The following SLC39A11 variants were observed in gnomAD, a reference collection of about 807,000 sequenced individuals.
SLC39A11 encodes the protein solute carrier family 39 member 11, also known as zinc transporter ZIP11.
A neutral mutation model predicts 36.1 loss-of-function variants in SLC39A11; 33 were observed. The ratio of observed to expected loss-of-function variants is 0.91; its 90% CI spans 0.69 to 1.22. The LOEUF is 1.22. Among genes scored for constraint, SLC39A11 ranks in the 50% most tolerant of loss-of-function variants. The pLI is 0.00. For synonymous variants in SLC39A11, 166 were observed against 170.3 expected, an observed-to-expected ratio of 0.97 and a Z score of 0.20; for missense variants, 432 against 430.3, an observed-to-expected ratio of 1.00 and a Z score of -0.03.
rs554353858 is a variant in SLC39A11 at position 72,877,885 on chromosome 17, C to T, written c.431-28081G>A. On this transcript the variant is annotated intron_variant, in intron 5 of 9. Transcript: ENST00000255559. ...GCACAACATGCAGGTTTGTTACATA[C>T]GTATACATGTGCCATGTTGGTGTGC... is the stretch of plus-strand genomic sequence containing the variant. Among the ~76,000 whole-genome samples the T allele has an allele frequency of 1.6e-4, 25 of 151,560 alleles. No homozygotes were observed. In the South Asian group the frequency reaches 2.3e-3, roughly 14 times the overall value.
chr17:72,689,224 C>T (rs1430562893), intron 7 of SLC39A11, among the ~76,000 whole-genome samples: 1 of 152,150 alleles, frequency 6.6e-6, no homozygotes, highest in South Asian at 2.1e-4. Context: ...TAAATGCAGT[C>T]GAGAAGATAA....
chr17:72,676,154 T>C (rs1269185234), intron 7 of SLC39A11, among the ~76,000 whole-genome samples: 1 of 152,050 alleles, frequency 6.6e-6, no homozygotes, highest in East Asian at 1.9e-4. Flanking sequence ...GTAATATGGC[T>C]ATAAAGAAAC....
intron 6 of SLC39A11, among the ~76,000 whole-genome samples, chr17:72,779,926 C>G (rs1036295505): frequency 1.3e-5 from 2 of 152,152 alleles, no homozygotes; most frequent in Admixed American, 6.5e-5. Context: ...TGAGGAACCC[C>G]TATCTGTAAT....
chr17:72,796,279 C>T (rs1333736020), intron 6 of SLC39A11, among the ~76,000 whole-genome samples: 6 of 152,106 alleles, frequency 3.9e-5, no homozygotes, highest in African/African-American at 7.3e-5. Context: ...CTTCTCTCAT[C>T]GTCCTCTTGG....
At chr17:72,930,516 T>C (rs987460867) in intron 5 of SLC39A11, among the ~76,000 whole-genome samples, 1 of 152,028 alleles carries the variant, frequency 6.6e-6, no homozygotes, top group African/African-American at 2.4e-5. Flanking sequence ...TACTGGAACA[T>C]AAGGTTCTGA....
At chr17:72,659,315 A>G (rs528134044) in intron 7 of SLC39A11, among the ~76,000 whole-genome samples, 137 of 152,332 alleles carry the variant, frequency 9.0e-4, no homozygotes, top group African/African-American at 3.1e-3. Flanking sequence ...GCGGAGACAG[A>G]TGATCCAGGA....
At chr17:73,083,927 T>G (rs2060632208) in intron 3 of SLC39A11, among the ~76,000 whole-genome samples, 1 of 152,202 alleles carries the variant, frequency 6.6e-6, no homozygotes, top group South Asian at 2.1e-4. Flanking sequence ...ATTATGTTTA[T>G]TTTTAAAAAG....
At chr17:73,003,863 A>G (rs1278253057) in intron 4 of SLC39A11, among the ~76,000 whole-genome samples, 2 of 152,094 alleles carry the variant, frequency 1.3e-5, no homozygotes, top group Non-Finnish European at 2.9e-5. Context: ...AAGCGGGTGG[A>G]TCACCCGAGG....
intron 4 of SLC39A11, among the ~76,000 whole-genome samples, chr17:73,027,884 A>G (rs1475812077): frequency 6.6e-6 from 1 of 152,016 alleles, no homozygotes; most frequent in Admixed American, 6.6e-5. Context: ...GCATCTCCTT[A>G]TTTCTCCAGG....
chr17:72,666,212 G>C (rs1417751727), intron 7 of SLC39A11, among the ~76,000 whole-genome samples: 1 of 152,212 alleles, frequency 6.6e-6, no homozygotes, highest in African/African-American at 2.4e-5. Flanking sequence ...CTAGATTCCA[G>C]GGGTTGCAGA....
chr17:72,913,006 G>T (rs9897929), intron 5 of SLC39A11, among the ~76,000 whole-genome samples: 77,352 of 151,782 alleles, frequency 0.51, 19,733 homozygotes, highest in African/African-American at 0.53. Context: ...TTTTAAATAT[G>T]CTTGGGTATT....
chr17:73,044,691 T>C (rs1175966738), intron 3 of SLC39A11, among the ~76,000 whole-genome samples: 1 of 151,954 alleles, frequency 6.6e-6, no homozygotes, highest in Non-Finnish European at 1.5e-5. Context: ...CTGGCCAATG[T>C]GGTAAAACCT....
At position 73,031,427 on chromosome 17, in the gene SLC39A11, T is replaced by C. The variant is rs560408639; in HGVS notation, c.306+129A>G. ...CCGATCAGTTCCTCTAATGCCTTGT[T>C]CTCTGTTTAAATACCACTGGCTACT... On this transcript the variant is annotated intron_variant, in intron 4 of 9. Transcript: ENST00000255559. The C allele has an allele frequency of 1.5e-4, 150 of 991,286 alleles. No homozygotes were observed. The East Asian group carries it at 3.7e-3, about 24-fold the overall frequency. 61.4% of individuals were successfully genotyped at this position (991,286 alleles called of 1,614,324 possible).
chr17:72,653,721 G>A (rs1238279743), intron 7 of SLC39A11, among the ~76,000 whole-genome samples: 1 of 152,162 alleles, frequency 6.6e-6, no homozygotes, highest in East Asian at 1.9e-4. Flanking sequence ...TTACAGGTGT[G>A]AGTCACCTCA....
At chr17:72,769,126 C>T (rs907045190) in intron 6 of SLC39A11, among the ~76,000 whole-genome samples, 4 of 152,178 alleles carry the variant, frequency 2.6e-5, no homozygotes, top group Non-Finnish European at 5.9e-5. Context: ...CTGCTCACCA[C>T]CCTCTCACAA....
intron 4 of SLC39A11, among the ~76,000 whole-genome samples, chr17:72,962,686 G>T (rs890325770): frequency 6.6e-6 from 1 of 152,076 alleles, no homozygotes; most frequent in Non-Finnish European, 1.5e-5. Context: ...ACAGGCACAC[G>T]CCACCACACC....
Position 72,823,800 on chromosome 17 carries a change from CTA to C in SLC39A11, c.601+25832_601+25833del, listed in dbSNP as rs765272144. The C allele has an allele frequency of 5.9e-5, 9 of 151,408 alleles. 1 individual carries two copies. The highest frequency in any genetic ancestry group is 1.2e-4 in the Non-Finnish European group (8 of 67,590). 9.4% of individuals were successfully genotyped at this position (151,408 alleles called of 1,614,324 possible). A position where few individuals can be genotyped will look rare whatever the true frequency, so the allele number is the denominator to read the frequency against. On this transcript the variant is annotated intron_variant, in intron 6 of 9. Transcript: ENST00000255559. ...AGCTCCACTTCTTGCCACACTGGTG[CTA>C]TGTTTTGTCTTTCTGGACTGGCCAC...
intron 4 of SLC39A11, among the ~76,000 whole-genome samples, chr17:72,991,529 T>C (rs2089175997): frequency 6.6e-6 from 1 of 152,048 alleles, no homozygotes; most frequent in South Asian, 2.1e-4. Flanking sequence ...GGCTAATTTT[T>C]GTATTTTTAT....
At position 72,653,208 on chromosome 17, in the gene SLC39A11, G is replaced by A. The variant is rs373825323; in HGVS notation, c.672-3940C>T. Among the ~76,000 whole-genome samples the A allele has an allele frequency of 5.3e-5, 8 of 151,322 alleles. No individual in the cohort carries two copies. In the South Asian group the frequency reaches 6.3e-4, roughly 12 times the overall value. On this transcript the variant is annotated intron_variant, in intron 7 of 9. Transcript: ENST00000255559. ...CAGCCTTCACCTCTGGGGTTCAAGC[G>A]ATTCTCCTGCTTCAGCCTCCCGAGT...
Sources: allele counts gnomAD v4.1 joint callset (sites outside exome capture counted in the v4.1 genomes callset), GRCh38; gene constraint gnomAD v4.1.1; transcripts MANE v1.5; gene names NCBI Gene and HGNC (gene_info 2026-07-23, HGNC 2026-07-21).